Variants in TSHZ2 observed in about 807,000 individuals in gnomAD.
The protein encoded by TSHZ2 is teashirt zinc finger homeobox 2.
A neutral mutation model predicts 74.4 loss-of-function variants in TSHZ2; 21 were observed. That is an observed-to-expected ratio of 0.28 (90% CI 0.20 to 0.41). TSHZ2 has a LOEUF of 0.41. Ranked by LOEUF, TSHZ2 falls within the 10% of genes least tolerant of loss-of-function variation. TSHZ2 has a pLI of 1.00. For synonymous variants in TSHZ2, 540 were observed against 515.3 expected (o/e 1.05, Z -0.65); for missense variants, 1,244 against 1,293.5 (o/e 0.96, Z 0.59).
At chr20:53,218,188 C>T (rs1989478472) in intron 1 of TSHZ2, among the ~76,000 whole-genome samples, 1 of 152,228 alleles carries the variant, frequency 6.6e-6, no homozygotes, top group African/African-American at 2.4e-5. Context: ...CGCCTATAGG[C>T]TGAGGGCCTC....
rs189699483 is a variant in TSHZ2, at chr20:53,313,347, C to T, written c.*8+56776C>T. The stretch of plus-strand genomic sequence containing the variant: ...AGTGCATTACACACTTCCCTACCTC[C>T]TTAAATAGAATATGAGAAACATAAT... On this transcript the variant is annotated intron_variant, in intron 2 of 2. Coordinates refer to ENST00000371497, the MANE Select transcript of TSHZ2 (RefSeq NM_173485.6). Among the ~76,000 whole-genome samples the T allele has an allele frequency of 1.5e-3, 225 of 152,334 alleles. 1 individual carries two copies. Among genetic ancestry groups the T allele is most frequent in the Admixed American group, 5.6e-3 (86 of 15,314 alleles).
At chr20:53,377,964 A>T (rs913821476) in intron 2 of TSHZ2, among the ~76,000 whole-genome samples, 2 of 152,188 alleles carry the variant, frequency 1.3e-5, no homozygotes, top group Non-Finnish European at 2.9e-5. Flanking sequence ...CTCTCTTTCC[A>T]CTACGGGAAA....
At chr20:53,031,954 G>A (rs1600655874) in intron 1 of TSHZ2, among the ~76,000 whole-genome samples, 1 of 151,986 alleles carries the variant, frequency 6.6e-6, no homozygotes, top group East Asian at 1.9e-4. Flanking sequence ...AGAAAGGAAG[G>A]AAGGAAGATA....
intron 1 of TSHZ2, among the ~76,000 whole-genome samples, chr20:53,145,557 G>A (rs73911203): frequency 0.026 from 4,020 of 152,256 alleles, 207 homozygotes; most frequent in African/African-American, 0.091. Context: ...ACAGCCCAGT[G>A]GGCAGCAGGA....
rs148913452 is a variant in TSHZ2 at position 53,022,370 on chromosome 20, C to G, written c.40+49037C>G. Among the ~76,000 whole-genome samples, 169 of 152,280 alleles carry G rather than the reference C, an allele frequency of 1.1e-3. 2 individuals carry two copies. The highest frequency in any genetic ancestry group is 1.0e-4 in the Non-Finnish European group (7 of 68,032). On this transcript the variant is annotated intron_variant, in intron 1 of 2. Transcript: ENST00000371497. ...TCAGAGCTCAGCAGGTTGACAGTGT[C>G]TCTTCAAATTTACAGTGTCAACGTG...
intron 1 of TSHZ2, among the ~76,000 whole-genome samples, chr20:53,095,421 C>T (rs886449050): frequency 6.6e-5 from 10 of 152,088 alleles, no homozygotes; most frequent in African/African-American, 2.2e-4. Context: ...TTAGGACATG[C>T]GACAGCTGGA....
intron 2 of TSHZ2, among the ~76,000 whole-genome samples, chr20:53,352,777 C>CAAAAA (rs869247919): frequency 4.6e-5 from 3 of 65,522 alleles, no homozygotes; most frequent in African/African-American, 1.6e-4. Flanking sequence ...CTGTCTCAAA[C>CAAAAA]AAAAAAAAAA....
At chr20:53,011,065 G>A (rs1982832210) in intron 1 of TSHZ2, among the ~76,000 whole-genome samples, 1 of 152,162 alleles carries the variant, frequency 6.6e-6, no homozygotes, top group Non-Finnish European at 1.5e-5. Flanking sequence ...TATTTGATAA[G>A]TTTTGCTCAA....
intron 1 of TSHZ2, among the ~76,000 whole-genome samples, chr20:53,046,655 CA>C (rs1984239518): frequency 6.6e-6 from 1 of 151,904 alleles, no homozygotes; most frequent in Non-Finnish European, 1.5e-5. Flanking sequence ...CAAAACAAAA[CA>C]AAACCCTGGG....
chr20:53,122,569 A>G (rs921990528), intron 1 of TSHZ2, among the ~76,000 whole-genome samples: 6 of 152,080 alleles, frequency 3.9e-5, no homozygotes, highest in African/African-American at 1.4e-4. Flanking sequence ...CTCCAGCCCA[A>G]GGTGTTTGGA....
intron 2 of TSHZ2, among the ~76,000 whole-genome samples, chr20:53,479,042 G>A (rs1986074600): frequency 6.6e-6 from 1 of 152,048 alleles, no homozygotes; most frequent in Non-Finnish European, 1.5e-5. Context: ...GCGCATGCCT[G>A]TAATCCCAGC....
rs997891343 is a variant in TSHZ2, at chr20:53,150,754, G to A, written c.41-102745G>A. ...AGAAGGAGGGAAGAAAGGAAGGAAG[G>A]AGAAGATCTTAAAAAGAGAAGAAAA... On this transcript the variant is annotated intron_variant, in intron 1 of 2. Transcript: ENST00000371497. Among the ~76,000 whole-genome samples, 3 of 151,714 alleles carry A rather than the reference G, an allele frequency of 2.0e-5. No individual in the cohort carries two copies. The South Asian group carries it at 6.2e-4, about 32-fold the overall frequency.
chr20:53,032,933 C>T (rs961723120), intron 1 of TSHZ2, among the ~76,000 whole-genome samples: 3 of 152,078 alleles, frequency 2.0e-5, no homozygotes, highest in Admixed American at 6.6e-5. Flanking sequence ...AGATAATAAT[C>T]GTTCATACCC....
chr20:53,277,730 G>A (rs1013472783), intron 2 of TSHZ2, among the ~76,000 whole-genome samples: 11 of 152,140 alleles, frequency 7.2e-5, no homozygotes, highest in Non-Finnish European at 1.2e-4. Flanking sequence ...TTAATCAGCC[G>A]GGAATAAGGA....
rs1019087448 is a variant in TSHZ2 at position 53,493,533 on chromosome 20, A to G, written c.*6398A>G. The G allele has an allele frequency of 1.3e-5, 2 of 152,110 alleles. No individual in the cohort carries two copies. The highest frequency in any genetic ancestry group is 4.8e-5 in the African/African-American group (2 of 41,452). 9.4% of individuals were successfully genotyped at this position (152,110 alleles called of 1,614,324 possible). A position where few individuals can be genotyped will look rare whatever the true frequency, so the allele number is the denominator to read the frequency against. On this transcript the variant is annotated 3_prime_UTR_variant, in exon 3 of 3. Transcript: ENST00000371497. The stretch of plus-strand genomic sequence containing the variant: ...TTGTCAAAATTTGAAACATTAGCTT[A>G]ATTTTGTTTTTATGACCTCAAGATT...
chr20:53,210,398 C>T (rs1989275598), intron 1 of TSHZ2, among the ~76,000 whole-genome samples: 1 of 152,102 alleles, frequency 6.6e-6, no homozygotes, highest in African/African-American at 2.4e-5. Context: ...AGGTGGCTCT[C>T]AGTGGGCTGG....
intron 2 of TSHZ2, among the ~76,000 whole-genome samples, chr20:53,424,572 ATTTT>A (rs1368387830): frequency 6.6e-6 from 1 of 151,402 alleles, no homozygotes; most frequent in Non-Finnish European, 1.5e-5. Context: ...TTTTTTTTAA[ATTTT>A]TTTAATTTCT....
Position 53,488,240 on chromosome 20 carries a change from CGTTAAA to C in TSHZ2, c.*1111_*1116del, listed in dbSNP as rs1986346823. 6.6e-6 allele frequency: 1 copy of C among 152,050 alleles called. No homozygotes were observed. 9.4% of individuals were successfully genotyped at this position (152,050 alleles called of 1,614,324 possible). ...CTAATTAAGACATCCATTAAAAGCC[CGTTAAA>C]GTTAATTTAACGTAAAAATTCCAAT... On this transcript the variant is annotated 3_prime_UTR_variant, in exon 3 of 3. Coordinates refer to ENST00000371497, the MANE Select transcript of TSHZ2 (RefSeq NM_173485.6).
At chr20:53,291,202 T>C (rs1991271096) in intron 2 of TSHZ2, among the ~76,000 whole-genome samples, 2 of 152,246 alleles carry the variant, frequency 1.3e-5, no homozygotes, top group South Asian at 4.1e-4. Context: ...CTGGGAGCGG[T>C]GGCTCACGCC....
Sources: allele counts gnomAD v4.1 joint callset (sites outside exome capture counted in the v4.1 genomes callset), GRCh38; gene constraint gnomAD v4.1.1; transcripts MANE v1.5; gene names NCBI Gene and HGNC (gene_info 2026-07-23, HGNC 2026-07-21).